Variants in UNC5C observed in about 807,000 individuals in gnomAD.
UNC5C encodes the protein unc-5 netrin receptor C.
In UNC5C, 47 loss-of-function variants were observed where a neutral mutation model predicts 99.8. The observed-to-expected ratio is 0.47, with a 90% CI of 0.37 to 0.60. UNC5C has a LOEUF of 0.60. Ranked by LOEUF, UNC5C falls within the 20% of genes least tolerant of loss-of-function variation. UNC5C has a pLI of 0.00. For synonymous variants in UNC5C, 487 were observed against 452.2 expected, an observed-to-expected ratio of 1.08 and a Z score of -0.98; for missense variants, 1,062 against 1,165.9, an observed-to-expected ratio of 0.91 and a Z score of 1.30.
At chr4:95,392,485 G>A (rs6829508) in intron 1 of UNC5C, among the ~76,000 whole-genome samples, 80,276 of 151,082 alleles carry the variant, frequency 0.53, 21,509 homozygotes, top group East Asian at 0.71. Context: ...GGGCCAGAGT[G>A]CAATGCACAG....
intron 1 of UNC5C, among the ~76,000 whole-genome samples, chr4:95,529,346 G>GTA (rs967398148): frequency 1.7e-4 from 25 of 146,528 alleles, no homozygotes; most frequent in Middle Eastern, 3.6e-3. Context: ...GTATATATGT[G>GTA]TATATATATA....
At chr4:95,432,435 G>A (rs1009861432) in intron 1 of UNC5C, among the ~76,000 whole-genome samples, 1 of 152,052 alleles carries the variant, frequency 6.6e-6, no homozygotes, top group Admixed American at 6.6e-5. Flanking sequence ...TAATCATACA[G>A]TTTTCCAAAT....
chr4:95,400,680 C>T (rs1012646606), intron 1 of UNC5C, among the ~76,000 whole-genome samples: 2 of 152,100 alleles, frequency 1.3e-5, no homozygotes, highest in Admixed American at 1.3e-4. Context: ...CGTGAGCCAC[C>T]GCGCCCGGCC....
At chr4:95,393,623 T>C (rs1270974129) in intron 1 of UNC5C, among the ~76,000 whole-genome samples, 3 of 152,216 alleles carry the variant, frequency 2.0e-5, no homozygotes, top group Admixed American at 6.5e-5. Context: ...ACTGTAGATG[T>C]TATTTCTATG....
At chr4:95,395,688 C>T (rs1275505284) in intron 1 of UNC5C, among the ~76,000 whole-genome samples, 1 of 152,192 alleles carries the variant, frequency 6.6e-6, no homozygotes, top group Non-Finnish European at 1.5e-5. Flanking sequence ...TCCCATACAA[C>T]AGTAGTTCCC....
At chr4:95,306,753 G>T (rs1742076486) in intron 2 of UNC5C, among the ~76,000 whole-genome samples, 1 of 152,086 alleles carries the variant, frequency 6.6e-6, no homozygotes, top group Non-Finnish European at 1.5e-5. Flanking sequence ...CTGGCAATTT[G>T]GCTTTCTCCA....
intron 1 of UNC5C, among the ~76,000 whole-genome samples, chr4:95,347,555 C>G (rs1402511570): frequency 6.6e-6 from 1 of 152,012 alleles, no homozygotes; most frequent in African/African-American, 2.4e-5. Flanking sequence ...GACATAAAAA[C>G]AGACACACAG....
At chr4:95,172,336 A>C (rs1162376032) in intron 14 of UNC5C, among the ~76,000 whole-genome samples, 6 of 150,502 alleles carry the variant, frequency 4.0e-5, no homozygotes, top group Non-Finnish European at 3.0e-5. Flanking sequence ...CTGAATGGTA[A>C]TGCCTAGGTT....
chr4:95,395,432 C>G (rs1014645544), intron 1 of UNC5C, among the ~76,000 whole-genome samples: 1 of 152,190 alleles, frequency 6.6e-6, no homozygotes, highest in South Asian at 2.1e-4. Context: ...AACAAAGTCC[C>G]TTTAAATAGT....
At chr4:95,413,958 T>C (rs895455930) in intron 1 of UNC5C, among the ~76,000 whole-genome samples, 2 of 152,228 alleles carry the variant, frequency 1.3e-5, no homozygotes, top group African/African-American at 4.8e-5. Flanking sequence ...AGCTGTTCCA[T>C]AATTTGCACT....
rs531649078 is a variant in UNC5C, at chr4:95,516,519, CG to C, written c.124+32214del. Among the ~76,000 whole-genome samples, 560 of 152,270 alleles carry C rather than the reference CG, an allele frequency of 3.7e-3. 1 individual carries two copies. The highest frequency in any genetic ancestry group is 6.8e-3 in the Middle Eastern group (2 of 294). On this transcript the variant is annotated intron_variant, in intron 1 of 15. Coordinates refer to ENST00000453304, the MANE Select transcript of UNC5C (RefSeq NM_003728.4). ...TTACAAAGACCAAATTCCCTGTTTT[CG>C]GAGACATTTGATTGGTGTATGGTGA...
At chr4:95,495,022 G>A (rs1721594634) in intron 1 of UNC5C, among the ~76,000 whole-genome samples, 2 of 151,396 alleles carry the variant, frequency 1.3e-5, no homozygotes, top group East Asian at 1.9e-4. Context: ...ATACAGTTGT[G>A]CATGTGAATC....
At chr4:95,475,068 A>G (rs553257072) in intron 1 of UNC5C, among the ~76,000 whole-genome samples, 2 of 152,218 alleles carry the variant, frequency 1.3e-5, no homozygotes, top group East Asian at 3.9e-4. Context: ...CCTGCTATGT[A>G]GTCTAACAAG....
At chr4:95,311,370 A>T (rs954303029) in intron 2 of UNC5C, among the ~76,000 whole-genome samples, 4 of 152,218 alleles carry the variant, frequency 2.6e-5, no homozygotes, top group Admixed American at 6.5e-5. Flanking sequence ...CCACTGAATT[A>T]GCAAATGCAA....
rs575047652 is a variant in UNC5C, at chr4:95,499,758, G to A, written c.124+48976C>T. Among the ~76,000 whole-genome samples the A allele has an allele frequency of 1.0e-3, 153 of 152,096 alleles. 1 individual carries two copies. Among genetic ancestry groups the A allele is most frequent in the African/African-American group, 3.5e-3 (144 of 41,516 alleles). On this transcript the variant is annotated intron_variant, in intron 1 of 15. Transcript: ENST00000453304. ...CACAGGTATCTGCCAAAGCTATTAA[G>A]GTAAGTTTACATTGATGTCCGGTTA...
chr4:95,197,454 A>T (rs1323926539), intron 12 of UNC5C, among the ~76,000 whole-genome samples: 3 of 152,216 alleles, frequency 2.0e-5, no homozygotes, highest in African/African-American at 7.2e-5. Context: ...GGAGGTGGTC[A>T]GGAATTGGAT....
chr4:95,185,373 C>G (rs527962621), intron 12 of UNC5C, among the ~76,000 whole-genome samples, 177 bp from the exon 13 acceptor site: 1 of 152,160 alleles, frequency 6.6e-6, no homozygotes, highest in East Asian at 1.9e-4. Context: ...AAAGCCCCTC[C>G]CATTTTGTAT....
chr4:95,336,893 C>T (rs1253281514), intron 1 of UNC5C, among the ~76,000 whole-genome samples: 1 of 151,880 alleles, frequency 6.6e-6, no homozygotes, highest in East Asian at 1.9e-4. Context: ...CATTGTTGAA[C>T]ATCAAGGACC....
At chr4:95,229,797 CTTTTTTTTTTTTTTTTTT>C (rs71583694) in intron 7 of UNC5C, among the ~76,000 whole-genome samples, 36 of 79,552 alleles carry the variant, frequency 4.5e-4, no homozygotes, top group African/African-American at 2.1e-3. Flanking sequence ...CTGTTGTTTC[CTTTTTTTTTTTTTTTTTT>C]TTTTTTTTTT....
Sources: allele counts gnomAD v4.1 joint callset (sites outside exome capture counted in the v4.1 genomes callset), GRCh38; gene constraint gnomAD v4.1.1; transcripts MANE v1.5; gene names NCBI Gene and HGNC (gene_info 2026-07-23, HGNC 2026-07-21).